The following WNK1 variants were observed in gnomAD, a reference collection of about 807,000 sequenced individuals.
WNK1 encodes the protein WNK lysine deficient protein kinase 1, also known as serine/threonine-protein kinase WNK1.
WNK1 carries 38 observed loss-of-function variants against 222.8 expected under a neutral mutation model. The observed-to-expected ratio is 0.17, with a 90% CI of 0.13 to 0.22. The LOEUF (loss-of-function observed/expected upper bound fraction) is 0.22. Ranked by LOEUF, WNK1 falls within the 10% of genes least tolerant of loss-of-function variation. The pLI is 1.00. For synonymous variants in WNK1, 1,090 were observed against 1,092.9 expected (o/e 1.00, Z 0.05); for missense variants, 2,348 against 2,918.4 (o/e 0.80, Z 4.50).
In WNK1 at chr12:837,100, C is replaced by T. The variant is rs143688200; in HGVS notation, c.1311+6940C>T. On this transcript the variant is annotated intron_variant, in intron 4 of 27. Coordinates refer to ENST00000315939, the MANE Select transcript of WNK1 (RefSeq NM_018979.4). ...ATGAACGATTCGTGAATTGAGCAGT[C>T]CCCAGAATCACAGCAGATTCAGAGA... Among the ~76,000 whole-genome samples, 725 of 152,266 alleles carry T rather than the reference C, an allele frequency of 4.8e-3. 7 individuals are homozygous for T. Among genetic ancestry groups the T allele is most frequent in the African/African-American group, 0.016 (685 of 41,564 alleles).
In WNK1 at chr12:771,022, T is replaced by G. The variant is rs561780801; in HGVS notation, c.759+16698T>G. Among the ~76,000 whole-genome samples, 6 of 152,062 alleles carry G rather than the reference T, an allele frequency of 3.9e-5. No homozygotes were observed. The South Asian group carries it at 1.2e-3, about 32-fold the overall frequency. The stretch of plus-strand genomic sequence containing the variant: ...ATTTTCTTTTTTTTTGGAGACGGAG[T>G]CTTCGCTTTGTCTCGCCCAGGCTGG... On this transcript the variant is annotated intron_variant, in intron 1 of 27. Coordinates refer to ENST00000315939, the MANE Select transcript of WNK1 (RefSeq NM_018979.4).
rs1954576274 is a variant in WNK1, at chr12:894,591, G to C, written c.5539G>C (p.Ala1847Pro). 1.2e-6 allele frequency: 2 copies of C among 1,613,922 alleles called. No homozygotes were observed. Among genetic ancestry groups the C allele is most frequent in the Non-Finnish European group, 1.7e-6 (2 of 1,179,970 alleles). Residue 1847 changes from alanine (A) to proline (P), a missense_variant, in exon 23 of 28, where the codon GCA (alanine) becomes CCA (proline). Around this residue, in one of 13 missense-constraint regions of WNK1, gnomAD observed 1,144 missense variants for 1,273.6 expected, o/e 0.90. Transcript: ENST00000315939. ...VSQVKEGPVLATSSGAGVFKM... is the reference protein window; with the variant it reads ...VSQVKEGPVLPTSSGAGVFKM... ...TCAAGTCAAAGAAGGCCCTGTCCTA[G>C]CAACTAGTTCAGGAGCTGGTGTTTT...
intron 2 of WNK1, among the ~76,000 whole-genome samples, chr12:824,615 A>C (rs1948198772): frequency 2.0e-5 from 3 of 152,272 alleles, no homozygotes; most frequent in Non-Finnish European, 2.9e-5. Context: ...ATTTAAGTAG[A>C]TCTTAAAGGA....
At chr12:760,532 A>G (rs990489613) in intron 1 of WNK1, among the ~76,000 whole-genome samples, 1 of 147,790 alleles carries the variant, frequency 6.8e-6, no homozygotes, top group East Asian at 1.9e-4. Flanking sequence ...TATATAAAAT[A>G]TAACAGAATA....
rs1314587297 is a variant in WNK1, at chr12:906,833, A to G, written c.6644-1014A>G. 6.3e-6 allele frequency: 5 copies of G among 790,120 alleles called. No homozygotes were observed. The Admixed American group carries it at 2.5e-4, about 40-fold the overall frequency. 48.9% of individuals were successfully genotyped at this position (790,120 alleles called of 1,614,324 possible). Reference sequence around the variant, plus strand: ...CATGGCAGGATTGCCTGAGCCCAGCAGTTCATGACTAAGCAACATATGGAG... The same window carrying G: ...CATGGCAGGATTGCCTGAGCCCAGCGGTTCATGACTAAGCAACATATGGAG... On this transcript the variant is annotated intron_variant, in intron 26 of 27. Transcript: ENST00000315939.
chr12:794,103 A>G (rs1194733698), intron 1 of WNK1, among the ~76,000 whole-genome samples: 1 of 152,096 alleles, frequency 6.6e-6, no homozygotes, highest in African/African-American at 2.4e-5. Context: ...CTTCATTTTT[A>G]TGGTTGAGTA....
At chr12:773,977 A>G (rs951981975) in intron 1 of WNK1, among the ~76,000 whole-genome samples, 11 of 152,194 alleles carry the variant, frequency 7.2e-5, no homozygotes, top group African/African-American at 2.7e-4. Flanking sequence ...TATGAAAACC[A>G]AATTTAATCT....
intron 1 of WNK1, among the ~76,000 whole-genome samples, chr12:773,461 C>CAT (rs1942768418): frequency 6.6e-6 from 1 of 152,106 alleles, no homozygotes; most frequent in Admixed American, 6.6e-5. Context: ...TTAAAAGGAA[C>CAT]TACTTCCCAA....
chr12:875,186 A>G (rs1327228507), intron 9 of WNK1, among the ~76,000 whole-genome samples: 1 of 152,210 alleles, frequency 6.6e-6, no homozygotes, highest in Non-Finnish European at 1.5e-5. Flanking sequence ...TGATATGAGC[A>G]TAATTTTGAA....
At chr12:828,143 CAAA>C (rs71051393) in intron 3 of WNK1, among the ~76,000 whole-genome samples, 2 of 137,444 alleles carry the variant, frequency 1.5e-5, no homozygotes, top group Non-Finnish European at 3.2e-5. Context: ...ATTAAAAATA[CAAA>C]AAAAAAAAAA....
intron 8 of WNK1, among the ~76,000 whole-genome samples, chr12:867,040 T>G (rs1951732116): frequency 6.6e-6 from 1 of 152,078 alleles, no homozygotes; most frequent in Non-Finnish European, 1.5e-5. Flanking sequence ...GAAGAATCCC[T>G]TGAACCCAGG....
At chr12:785,950 T>C (rs562768563) in intron 1 of WNK1, among the ~76,000 whole-genome samples, 1 of 152,332 alleles carries the variant, frequency 6.6e-6, no homozygotes, top group South Asian at 2.1e-4. Context: ...AATGCAGATG[T>C]TGGGATCTTT....
At chr12:813,272 A>G (rs1346827273) in intron 1 of WNK1, among the ~76,000 whole-genome samples, 2 of 152,222 alleles carry the variant, frequency 1.3e-5, no homozygotes, top group Non-Finnish European at 2.9e-5. Context: ...GTTTTGGTTA[A>G]AGATAGATTG....
rs575187599 is a variant in WNK1 at position 871,265 on chromosome 12, G to T, written c.2140G>T (p.Ala714Ser). 3 of 1,614,024 alleles carry T rather than the reference G, an allele frequency of 1.9e-6. No individual in the cohort carries two copies. The highest frequency in any genetic ancestry group is 2.2e-5 in the South Asian group (2 of 91,074). Residue 714 changes from alanine to serine, a missense_variant and splice_region_variant, in exon 9 of 28, where the codon GCA becomes TCA. Ala to Ser is a moderately conservative substitution (Grantham distance 99). This residue lies in a region of WNK1 where 547 missense variants were observed against 558.3 expected (regional missense o/e 0.98). Transcript: ENST00000315939. ...TGTTGTGTTCACTTCTTTCCTTCAG[G>T]CACAGGGGCAGAGCCAGGGTCAGCC... The part of the protein sequence containing the change: ...PHGVYPPSSV[A>S]QGQSQGQPSS...
intron 2 of WNK1, among the ~76,000 whole-genome samples, chr12:818,137 C>G (rs1286907200): frequency 6.6e-6 from 1 of 152,166 alleles, no homozygotes; most frequent in Non-Finnish European, 1.5e-5. Context: ...ATTTTAATCA[C>G]CTCAGAACAC....
At chr12:867,050 G>A (rs1314474017) in intron 8 of WNK1, among the ~76,000 whole-genome samples, 1 of 152,152 alleles carries the variant, frequency 6.6e-6, no homozygotes, top group Non-Finnish European at 1.5e-5. Flanking sequence ...TTGAACCCAG[G>A]AGGCGGAGGT....
intron 4 of WNK1, among the ~76,000 whole-genome samples, chr12:843,330 C>T (rs952516488): frequency 6.6e-6 from 1 of 152,096 alleles, no homozygotes; most frequent in South Asian, 2.1e-4. Context: ...TACTTGTGTT[C>T]TATCTACTTT....
rs1363656797 is a variant in WNK1 at position 880,012 on chromosome 12, C to G, written c.2813C>G (p.Ser938Cys). ...CAAGCTGCTGAGGTTCCACTTTCCT[C>G]TGGAGATGTTCTGTACCAGGTATTG... ...LGQAAEVPLS[S>C]GDVLYQGFPP... The change falls in exon 11 of 28, where the codon TCT (serine) becomes TGT (cysteine). Residue 938 changes from serine (S) to cysteine (C), a missense_variant. By Grantham distance (112) the Ser-to-Cys change is moderately radical. Around this residue, in one of 13 missense-constraint regions of WNK1, gnomAD observed 547 missense variants for 558.3 expected, o/e 0.98. Coordinates refer to ENST00000315939, the MANE Select transcript of WNK1 (RefSeq NM_018979.4). 3 of 1,614,164 alleles carry G rather than the reference C, an allele frequency of 1.9e-6. No individual in the cohort carries two copies. Among genetic ancestry groups the G allele is most frequent in the Non-Finnish European group, 2.5e-6 (3 of 1,180,044 alleles).
intron 8 of WNK1, among the ~76,000 whole-genome samples, chr12:870,790 C>A (rs902008307): frequency 6.6e-6 from 1 of 152,300 alleles, no homozygotes; most frequent in East Asian, 1.9e-4. Flanking sequence ...GCCCTAGGTA[C>A]TTGGCAGTTG....
Sources: allele counts gnomAD v4.1 joint callset (sites outside exome capture counted in the v4.1 genomes callset), GRCh38; gene constraint gnomAD v4.1.1; regional missense constraint gnomAD v4.1.1; transcripts MANE v1.5; gene names NCBI Gene and HGNC (gene_info 2026-07-23, HGNC 2026-07-21).